The following NRXN1 variants were observed in gnomAD, a reference collection of about 807,000 sequenced individuals.
The protein encoded by NRXN1 is neurexin 1.
Under a neutral mutation model 150.9 loss-of-function variants are expected in NRXN1, and 39 were observed. The observed-to-expected ratio is 0.26, with a 90% CI of 0.20 to 0.34. The LOEUF (loss-of-function observed/expected upper bound fraction) is 0.34. NRXN1 is among the 10% of genes least tolerant of loss of function. The probability of loss-of-function intolerance (pLI) is 1.00; values close to 1 mark genes in which losing one functional copy is unlikely to be tolerated. For synonymous variants in NRXN1, 924 were observed against 757.0 expected (o/e 1.22, Z -3.62); for missense variants, 1,815 against 1,949.9 (o/e 0.93, Z 1.30).
intron 2 of NRXN1, among the ~76,000 whole-genome samples, chr2:50,999,119 T>C (rs1048344473): frequency 2.0e-5 from 3 of 152,070 alleles, no homozygotes; most frequent in Non-Finnish European, 4.4e-5. Context: ...TGCCTGTCCA[T>C]AACTAGTATT....
At chr2:51,012,703 T>C (rs1302525981) in intron 2 of NRXN1, among the ~76,000 whole-genome samples, 2 of 151,984 alleles carry the variant, frequency 1.3e-5, no homozygotes, top group Admixed American at 1.3e-4. Context: ...TCTTAATATG[T>C]GGTTCAGGAA....
At chr2:51,024,130 G>A (rs1204920142) in intron 2 of NRXN1, among the ~76,000 whole-genome samples, 1 of 152,092 alleles carries the variant, frequency 6.6e-6, no homozygotes, top group Non-Finnish European at 1.5e-5. Context: ...AGTTGCTAGG[G>A]ATCTATGAGT....
In NRXN1 at chr2:50,342,970, A is replaced by G. The variant is rs1054785576; in HGVS notation, c.3365-106000T>C. 3.9e-5 allele frequency among the ~76,000 whole-genome samples: 6 copies of G among 152,224 alleles called. No homozygotes were observed. The East Asian group carries it at 7.7e-4, about 20-fold the overall frequency. On this transcript the variant is annotated intron_variant, in intron 17 of 22. Coordinates refer to ENST00000401669, the MANE Select transcript of NRXN1 (RefSeq NM_001330078.2). ...ATCCTCTTAGAAGTTTGGTATGTGTACTGAAAGTGTCTCAGAAACAGAAAC... is the reference window on the plus strand; with the variant it reads ...ATCCTCTTAGAAGTTTGGTATGTGTGCTGAAAGTGTCTCAGAAACAGAAAC...
chr2:50,104,688 G>C (rs1379566157), intron 18 of NRXN1, among the ~76,000 whole-genome samples: 1 of 151,968 alleles, frequency 6.6e-6, no homozygotes, highest in African/African-American at 2.4e-5. Flanking sequence ...AGCCTCAAAA[G>C]CTTGTCCTAA....
In NRXN1 at chr2:50,413,948, G is replaced by A. The variant is rs188637921; in HGVS notation, c.3364+51494C>T. Reference sequence around the variant, plus strand: ...ATGCACAGAAAGACAAATATCACATGTTCTCACTTATTTGTGGGATCTGAA... The same window carrying A: ...ATGCACAGAAAGACAAATATCACATATTCTCACTTATTTGTGGGATCTGAA... On this transcript the variant is annotated intron_variant, in intron 17 of 22. Coordinates refer to ENST00000401669, the MANE Select transcript of NRXN1 (RefSeq NM_001330078.2). Among the ~76,000 whole-genome samples, 3 of 149,586 alleles carry A rather than the reference G, an allele frequency of 2.0e-5. No individual in the cohort carries two copies. In the Admixed American group the frequency reaches 2.0e-4, roughly 10 times the overall value.
chr2:50,132,601 G>A (rs946180689), intron 18 of NRXN1, among the ~76,000 whole-genome samples: 2 of 152,052 alleles, frequency 1.3e-5, no homozygotes, highest in Non-Finnish European at 2.9e-5. Flanking sequence ...CACCGCGACC[G>A]GCCCAGCTCT....
chr2:50,215,082 T>C (rs1373759562), intron 18 of NRXN1, among the ~76,000 whole-genome samples: 1 of 151,982 alleles, frequency 6.6e-6, no homozygotes, highest in Non-Finnish European at 1.5e-5. Flanking sequence ...ATTTATCTAA[T>C]TACCTTCCTA....
intron 2 of NRXN1, among the ~76,000 whole-genome samples, chr2:51,013,201 C>A (rs544676657): frequency 6.6e-6 from 1 of 152,088 alleles, no homozygotes; most frequent in South Asian, 2.1e-4. Flanking sequence ...ACCAGCTCAA[C>A]AACGTTTAAG....
At chr2:49,995,917 C>G (rs367645304) in intron 21 of NRXN1, among the ~76,000 whole-genome samples, 1 of 145,170 alleles carries the variant, frequency 6.9e-6, no homozygotes, top group East Asian at 2.1e-4. Flanking sequence ...AGTGTATGCC[C>G]CTTGGGTCTC....
intron 16 of NRXN1, among the ~76,000 whole-genome samples, chr2:50,468,957 T>C (rs2089198987): frequency 1.3e-5 from 2 of 151,590 alleles, no homozygotes; most frequent in Non-Finnish European, 1.5e-5. Flanking sequence ...AAAAAGAGCA[T>C]CTATTAAAAT....
intron 5 of NRXN1, among the ~76,000 whole-genome samples, chr2:50,856,489 C>G (rs1675291543): frequency 6.6e-6 from 1 of 151,824 alleles, no homozygotes; most frequent in South Asian, 2.1e-4. Flanking sequence ...AGAGCAAGTC[C>G]AAGACAAAAG....
At chr2:49,965,003 C>T (rs1676698257) in intron 21 of NRXN1, among the ~76,000 whole-genome samples, 1 of 152,000 alleles carries the variant, frequency 6.6e-6, no homozygotes, top group African/African-American at 2.4e-5. Context: ...TCTCCCCCTT[C>T]AGGCCCCTGA....
At chr2:50,494,985 C>T (rs1365336918) in intron 15 of NRXN1, among the ~76,000 whole-genome samples, 2 of 149,466 alleles carry the variant, frequency 1.3e-5, no homozygotes, top group South Asian at 2.1e-4. Flanking sequence ...GAGCCGAGAT[C>T]GTGCCACTGC....
At chr2:50,311,809 A>C (rs1319903518) in intron 17 of NRXN1, among the ~76,000 whole-genome samples, 2 of 152,120 alleles carry the variant, frequency 1.3e-5, no homozygotes, top group Non-Finnish European at 1.5e-5. Flanking sequence ...TGTGGTTCCT[A>C]ACTGTCACAA....
At chr2:50,968,958 T>C (rs972906330) in intron 2 of NRXN1, among the ~76,000 whole-genome samples, 7 of 152,090 alleles carry the variant, frequency 4.6e-5, no homozygotes, top group Non-Finnish European at 1.0e-4. Flanking sequence ...GTCTGGCCTA[T>C]TTGTCTACTT....
chr2:50,827,003 T>C (rs1396979294), intron 5 of NRXN1, among the ~76,000 whole-genome samples: 1 of 152,090 alleles, frequency 6.6e-6, no homozygotes, highest in Non-Finnish European at 1.5e-5. Context: ...GCAGTAGGTA[T>C]GGAGGAGAAC....
chr2:50,595,360 T>C (rs1163223586), intron 8 of NRXN1, among the ~76,000 whole-genome samples: 1 of 151,880 alleles, frequency 6.6e-6, no homozygotes, highest in African/African-American at 2.4e-5. Context: ...TACTACTTTT[T>C]TGCAAGAAGT....
At chr2:50,625,220 C>G (rs754382382) in intron 5 of NRXN1, among the ~76,000 whole-genome samples, 1 of 152,020 alleles carries the variant, frequency 6.6e-6, no homozygotes, top group African/African-American at 2.4e-5. Flanking sequence ...TCGCTTTCAA[C>G]GCATCAGTGC....
At chr2:50,421,337 C>CT (rs1298884699) in intron 17 of NRXN1, among the ~76,000 whole-genome samples, 5 of 152,054 alleles carry the variant, frequency 3.3e-5, no homozygotes, top group Admixed American at 6.6e-5. Flanking sequence ...TCCCCCTTCA[C>CT]TTTCTAAATG....
Sources: allele counts gnomAD v4.1 joint callset (sites outside exome capture counted in the v4.1 genomes callset), GRCh38; gene constraint gnomAD v4.1.1; transcripts MANE v1.5; gene names NCBI Gene and HGNC (gene_info 2026-07-23, HGNC 2026-07-21).